MROH9: variants seen among roughly 807,000 people sequenced by gnomAD.
MROH9 encodes the protein maestro heat like repeat family member 9.
Under a neutral mutation model 98.2 loss-of-function variants are expected in MROH9, and 92 were observed. The ratio of observed to expected loss-of-function variants is 0.94; its 90% confidence interval spans 0.79 to 1.11. The LOEUF (loss-of-function observed/expected upper bound fraction) is 1.11. MROH9 is among the 50% of genes most tolerant of loss of function. The pLI, the probability that MROH9 is intolerant of heterozygous loss-of-function variation, is 0.00. For missense variants in MROH9, 1,057 were observed against 1,014.8 expected (o/e 1.04, Z -0.57); for synonymous variants, 397 against 368.9 (o/e 1.08, Z -0.87).
rs545641715 is a variant in MROH9, at chr1:170,936,767, G to C, written c.-38+1180G>C. Reference sequence around the variant, plus strand: ...GAATCAGAGAGACCGATGGGGTTGAGAAGGATATTTATTATTTAGGTGCAC... The same window carrying C: ...GAATCAGAGAGACCGATGGGGTTGACAAGGATATTTATTATTTAGGTGCAC... On this transcript the variant is annotated intron_variant, in intron 1 of 21. Transcript: ENST00000367759. 2.6e-5 allele frequency among the ~76,000 whole-genome samples: 4 copies of C among 152,132 alleles called. No individual in the cohort carries two copies. In the South Asian group the frequency reaches 8.3e-4, roughly 32 times the overall value.
chr1:170,944,814 T>G (rs1475322824), intron 1 of MROH9, among the ~76,000 whole-genome samples: 2 of 152,028 alleles, frequency 1.3e-5, no homozygotes, highest in Non-Finnish European at 2.9e-5. Flanking sequence ...AGTATCCACG[T>G]CTTATATCAA....
intron 1 of MROH9, among the ~76,000 whole-genome samples, chr1:170,943,764 T>C (rs1649215352): frequency 6.6e-6 from 1 of 151,986 alleles, no homozygotes; most frequent in Non-Finnish European, 1.5e-5. Context: ...TTATATGCAG[T>C]CAAACTTTAA....
intron 8 of MROH9, among the ~76,000 whole-genome samples, chr1:170,976,235 C>T: frequency 6.6e-6 from 1 of 152,164 alleles, no homozygotes; most frequent in East Asian, 1.9e-4. Context: ...GATTGCTTTA[C>T]AGTATTACTG....
At chr1:170,976,161 G>A (rs1650678173) in intron 8 of MROH9, among the ~76,000 whole-genome samples, 1 of 152,094 alleles carries the variant, frequency 6.6e-6, no homozygotes, top group Non-Finnish European at 1.5e-5. Context: ...TTCAAGGTTT[G>A]TGTTATTTAT....
chr1:171,046,962 C>T (rs1653488920), intron 20 of MROH9, among the ~76,000 whole-genome samples: 1 of 152,020 alleles, frequency 6.6e-6, no homozygotes, highest in Admixed American at 6.6e-5. Context: ...CATAGTTTTC[C>T]TTCAGCACTT....
Position 171,064,301 on chromosome 1 carries a change from TAC to T in MROH9, c.2549_2550del (p.Thr850ArgfsTer3). 1 of 1,547,404 alleles carries T rather than the reference TAC, an allele frequency of 6.5e-7. No individual in the cohort carries two copies. Among genetic ancestry groups the T allele is most frequent in the Non-Finnish European group, 8.7e-7 (1 of 1,145,782 alleles). ...NSPNGQIDSP[T>X]DSKDVKNDKA... is the part of the protein sequence containing the mutation. ...CACCCAATGGCCAGATAGACAGTCC[TAC>T]AGACAGTAAAGATGTCAAGAATGAT... On this transcript the variant is annotated frameshift_variant, in exon 22 of 22. Coordinates refer to ENST00000367759, the MANE Select transcript of MROH9 (RefSeq NM_001163629.2). LOFTEE classifies it low-confidence loss of function (END_TRUNC).
At chr1:171,021,716 C>T (rs1055614138) in intron 17 of MROH9, among the ~76,000 whole-genome samples, 1 of 151,956 alleles carries the variant, frequency 6.6e-6, no homozygotes, top group African/African-American at 2.4e-5. Flanking sequence ...TACAAAAACA[C>T]CAAAAGCAAT....
chr1:170,952,410 C>G (rs1329399826), intron 3 of MROH9, among the ~76,000 whole-genome samples: 2 of 152,048 alleles, frequency 1.3e-5, no homozygotes, highest in Non-Finnish European at 2.9e-5. Flanking sequence ...CCATGGAATA[C>G]TATGCAGCCA....
chr1:170,953,285 T>C (rs1649626055), intron 3 of MROH9, among the ~76,000 whole-genome samples: 1 of 152,078 alleles, frequency 6.6e-6, no homozygotes, highest in African/African-American at 2.4e-5. Flanking sequence ...ATTCTCTCAG[T>C]ATATGGTTTG....
At chr1:171,036,380 G>GTA (rs1272409607) in intron 20 of MROH9, among the ~76,000 whole-genome samples, 2 of 152,004 alleles carry the variant, frequency 1.3e-5, no homozygotes, top group Non-Finnish European at 2.9e-5. Context: ...AAAGTTTTAT[G>GTA]TATATATACA....
intron 3 of MROH9, among the ~76,000 whole-genome samples, chr1:170,956,810 G>A (rs771884932): frequency 6.6e-6 from 1 of 151,938 alleles, no homozygotes. Flanking sequence ...AACAGTGACC[G>A]TTTGACTTCT....
intron 20 of MROH9, among the ~76,000 whole-genome samples, chr1:171,048,705 C>T (rs1244903389): frequency 6.6e-6 from 1 of 152,146 alleles, no homozygotes; most frequent in Non-Finnish European, 1.5e-5. Flanking sequence ...CTGCTTTCCT[C>T]AAGCAGAAGG....
intron 1 of MROH9, among the ~76,000 whole-genome samples, chr1:170,937,923 T>C (rs1648964422): frequency 6.6e-6 from 1 of 152,212 alleles, no homozygotes; most frequent in Non-Finnish European, 1.5e-5. Context: ...CCTGCTAAAG[T>C]GATCCATAAA....
chr1:170,964,288 C>T (rs554437417), intron 6 of MROH9, among the ~76,000 whole-genome samples: 6 of 152,166 alleles, frequency 3.9e-5, no homozygotes, highest in Non-Finnish European at 7.4e-5. Flanking sequence ...CTTATACCTA[C>T]CATGCCTAAA....
At chr1:171,055,387 C>T (rs1238898841) in intron 20 of MROH9, among the ~76,000 whole-genome samples, 1 of 151,976 alleles carries the variant, frequency 6.6e-6, no homozygotes, top group Non-Finnish European at 1.5e-5. Flanking sequence ...CTTTGGGAGG[C>T]CGTGGTGGGC....
chr1:170,978,718 G>T (rs550154143), intron 8 of MROH9, among the ~76,000 whole-genome samples: 1 of 152,098 alleles, frequency 6.6e-6, no homozygotes, highest in Non-Finnish European at 1.5e-5. Context: ...GTGGGAGCAG[G>T]GTGGTTGTGC....
At chr1:170,957,242 C>A (rs1388771300) in intron 3 of MROH9, among the ~76,000 whole-genome samples, 1 of 151,988 alleles carries the variant, frequency 6.6e-6, no homozygotes, top group Non-Finnish European at 1.5e-5. Flanking sequence ...AAAAAATCTT[C>A]ACCGAAACTA....
intron 7 of MROH9, 51 bp downstream of exon 7, chr1:170,965,306 A>G (rs777554368): frequency 4.1e-6 from 5 of 1,228,598 alleles, no homozygotes; most frequent in South Asian, 2.5e-5. Flanking sequence ...CTGCATTTCC[A>G]TAGTGCTGCT....
intron 6 of MROH9, among the ~76,000 whole-genome samples, chr1:170,963,665 A>C (rs1650115298): frequency 6.6e-6 from 1 of 152,164 alleles, no homozygotes; most frequent in Non-Finnish European, 1.5e-5. Context: ...CAAAAGAATA[A>C]GATTATGTAC....
Sources: gnomAD v4.1 joint callset for allele counts (sites outside exome capture counted in the v4.1 genomes callset) on GRCh38, gnomAD v4.1.1 for gene constraint, MANE v1.5 for transcripts, NCBI Gene and HGNC (gene_info 2026-07-23, HGNC 2026-07-21) for gene names.